NOL10: variants seen among roughly 807,000 people sequenced by gnomAD.
NOL10 encodes the protein H_NH0074G24.1.
A neutral mutation model predicts 103.5 loss-of-function variants in NOL10; 58 were observed. That is an observed-to-expected ratio of 0.56 (90% CI 0.45 to 0.70). The LOEUF is 0.70. NOL10 is among the 30% of genes least tolerant of loss of function. The probability of loss-of-function intolerance (pLI) is 0.00; values close to 1 mark genes in which losing one functional copy is unlikely to be tolerated. For synonymous variants in NOL10, 287 were observed against 282.5 expected, an observed-to-expected ratio of 1.02 and a Z score of -0.16; for missense variants, 763 against 807.3, an observed-to-expected ratio of 0.95 and a Z score of 0.67.
chr2:10,586,700 GACA>G (rs1213671918), intron 19 of NOL10, among the ~76,000 whole-genome samples: 50 of 152,044 alleles, frequency 3.3e-4, no homozygotes, highest in African/African-American at 1.0e-3. Context: ...TCAACATGAA[GACA>G]ACAAGGATGA....
intron 13 of NOL10, among the ~76,000 whole-genome samples, chr2:10,612,145 AAAAT>A (rs1676608702): frequency 6.6e-6 from 1 of 152,036 alleles, no homozygotes; most frequent in Admixed American, 6.5e-5. Context: ...AAATAAAAAT[AAAAT>A]AAATACTCTT....
chr2:10,674,573 C>T (rs1438318357), intron 4 of NOL10, among the ~76,000 whole-genome samples: 1 of 152,142 alleles, frequency 6.6e-6, no homozygotes, highest in Non-Finnish European at 1.5e-5. Flanking sequence ...GGCGCAGTGG[C>T]TCATGCCTGT....
At chr2:10,598,836 T>C (rs1166649183) in intron 17 of NOL10, among the ~76,000 whole-genome samples, 1 of 152,202 alleles carries the variant, frequency 6.6e-6, no homozygotes, top group Non-Finnish European at 1.5e-5. Context: ...TTAGGCTTTA[T>C]TCCTAATGTT....
At chr2:10,673,677 C>T (rs1402780450) in intron 4 of NOL10, 120 bp from the exon 5 acceptor site, 5 of 578,338 alleles carry the variant, frequency 8.6e-6, no homozygotes, top group Non-Finnish European at 1.2e-5. Context: ...TTTTTTCTGC[C>T]TCTACGTGAA....
At chr2:10,614,764 A>C (rs1486161283) in intron 13 of NOL10, among the ~76,000 whole-genome samples, 1 of 152,242 alleles carries the variant, frequency 6.6e-6, no homozygotes, top group African/African-American at 2.4e-5. Context: ...CACACTATAC[A>C]TAGCTACATA....
At chr2:10,614,958 T>G (rs1350336130) in intron 13 of NOL10, among the ~76,000 whole-genome samples, 1 of 152,224 alleles carries the variant, frequency 6.6e-6, no homozygotes, top group Non-Finnish European at 1.5e-5. Context: ...TCTTCCATTA[T>G]TGTTGGAAAG....
intron 19 of NOL10, among the ~76,000 whole-genome samples, chr2:10,587,168 C>CATATATAT (rs1558270466): frequency 2.8e-5 from 1 of 35,948 alleles, no homozygotes; most frequent in Non-Finnish European, 4.6e-5. Flanking sequence ...CACATATATA[C>CATATATAT]ACATATATAT....
intron 12 of NOL10, among the ~76,000 whole-genome samples, chr2:10,649,028 G>C (rs144509818): frequency 6.6e-6 from 1 of 152,218 alleles, no homozygotes; most frequent in East Asian, 1.9e-4. Flanking sequence ...CCTGAAAATG[G>C]ACTGGATGTA....
intron 13 of NOL10, among the ~76,000 whole-genome samples, chr2:10,613,904 A>G (rs569535543): frequency 1.3e-5 from 2 of 152,244 alleles, no homozygotes; most frequent in African/African-American, 4.8e-5. Context: ...AACAATAAAA[A>G]TAATAATAGC....
At chr2:10,587,218 C>CACAT (rs1558270744) in intron 19 of NOL10, among the ~76,000 whole-genome samples, 1 of 42,896 alleles carries the variant, frequency 2.3e-5, no homozygotes, top group African/African-American at 1.6e-4. Flanking sequence ...TATATATATA[C>CACAT]ATATATATAC....
intron 19 of NOL10, among the ~76,000 whole-genome samples, chr2:10,578,636 T>C (rs1317779223): frequency 1.5e-5 from 2 of 131,984 alleles, no homozygotes; most frequent in Non-Finnish European, 3.5e-5. Flanking sequence ...TTTGTACCCA[T>C]TATAAAATGA....
intron 11 of NOL10, among the ~76,000 whole-genome samples, chr2:10,656,279 C>T (rs1456478034): frequency 6.6e-6 from 1 of 152,186 alleles, no homozygotes. Context: ...AAGTTCTGGT[C>T]TAAGATCATG....
intron 2 of NOL10, among the ~76,000 whole-genome samples, chr2:10,683,853 T>A (rs773534453): frequency 3.3e-5 from 5 of 152,308 alleles, no homozygotes; most frequent in East Asian, 1.9e-4. Flanking sequence ...ACATCTGCAT[T>A]TCTAGCCCAG....
At chr2:10,633,211 C>A (rs1178236191) in intron 13 of NOL10, among the ~76,000 whole-genome samples, 1 of 151,940 alleles carries the variant, frequency 6.6e-6, no homozygotes, top group African/African-American at 2.4e-5. Flanking sequence ...CTGTGTCTGT[C>A]TTTCTTTTTT....
At chr2:10,579,150 C>G (rs549753276) in intron 19 of NOL10, among the ~76,000 whole-genome samples, 2 of 152,326 alleles carry the variant, frequency 1.3e-5, no homozygotes, top group South Asian at 4.1e-4. Context: ...TAGTTTACAA[C>G]TCGTAGTAAT....
At chr2:10,627,649 T>G (rs950265763) in intron 13 of NOL10, among the ~76,000 whole-genome samples, 1 of 151,296 alleles carries the variant, frequency 6.6e-6, no homozygotes, top group African/African-American at 2.4e-5. Flanking sequence ...CACTCTAGCC[T>G]GGGTGACAGC....
At chr2:10,602,315 C>G (rs996878925) in intron 16 of NOL10, among the ~76,000 whole-genome samples, 2 of 152,210 alleles carry the variant, frequency 1.3e-5, no homozygotes, top group Non-Finnish European at 2.9e-5. Flanking sequence ...TTTCAGTTCT[C>G]CAATACCAAG....
At chr2:10,624,876 C>A (rs779197238) in intron 13 of NOL10, among the ~76,000 whole-genome samples, 5 of 152,114 alleles carry the variant, frequency 3.3e-5, no homozygotes, top group Admixed American at 1.3e-4. Context: ...AACCAAGAGG[C>A]CTTTCAATAG....
chr2:10,619,987 C>A (rs1481905925), intron 13 of NOL10, among the ~76,000 whole-genome samples: 6 of 152,252 alleles, frequency 3.9e-5, no homozygotes, highest in Non-Finnish European at 2.9e-5. Context: ...AACTTGCCCA[C>A]ATGCACACGC....
Sources: allele counts gnomAD v4.1 joint callset (sites outside exome capture counted in the v4.1 genomes callset), GRCh38; gene constraint gnomAD v4.1.1; transcripts MANE v1.5; gene names NCBI Gene and HGNC (gene_info 2026-07-23, HGNC 2026-07-21).